Variants in PDE4D observed in about 807,000 individuals in gnomAD.
PDE4D encodes 3',5'-cyclic-AMP phosphodiesterase 4D.
A neutral mutation model predicts 87.4 loss-of-function variants in PDE4D; 24 were observed. That is an observed-to-expected ratio of 0.27 (90% confidence interval 0.20 to 0.39). The LOEUF is 0.39. PDE4D is among the 10% of genes least tolerant of loss of function. The pLI is 1.00. For missense variants in PDE4D, 714 were observed against 1,041.0 expected, an observed-to-expected ratio of 0.69 and a Z score of 4.32; for synonymous variants, 384 against 383.2, an observed-to-expected ratio of 1.00 and a Z score of -0.02.
At chr5:59,017,288 G>T (rs1439293439) in intron 6 of PDE4D, among the ~76,000 whole-genome samples, 1 of 152,130 alleles carries the variant, frequency 6.6e-6, no homozygotes, top group African/African-American at 2.4e-5. Flanking sequence ...AAGTGCTTGA[G>T]GCAAAACTGA....
intron 1 of PDE4D, among the ~76,000 whole-genome samples, chr5:59,765,475 C>T (rs1762672339): frequency 6.6e-6 from 1 of 152,198 alleles, no homozygotes; most frequent in Non-Finnish European, 1.5e-5. Context: ...CAGCACTTTA[C>T]CTTATGCCTT....
At chr5:59,375,488 G>A (rs1784556181) in intron 1 of PDE4D, among the ~76,000 whole-genome samples, 1 of 152,104 alleles carries the variant, frequency 6.6e-6, no homozygotes, top group Non-Finnish European at 1.5e-5. Flanking sequence ...ACTGAATCAG[G>A]AAGAAGCTGA....
chr5:59,438,320 A>G (rs909786132), intron 1 of PDE4D, among the ~76,000 whole-genome samples: 3 of 152,070 alleles, frequency 2.0e-5, no homozygotes, highest in African/African-American at 7.2e-5. Flanking sequence ...TTGTATTTTT[A>G]ATGTTCTCTG....
chr5:59,147,353 A>C (rs1397214809), intron 5 of PDE4D, among the ~76,000 whole-genome samples: 3 of 152,242 alleles, frequency 2.0e-5, no homozygotes, highest in African/African-American at 4.8e-5. Context: ...ATATTTGAAA[A>C]GTAGAAAGGA....
chr5:59,917,154 G>T (rs1754153601), intron 3 of PDE4D, among the ~76,000 whole-genome samples: 1 of 150,804 alleles, frequency 6.6e-6, no homozygotes, highest in Admixed American at 6.6e-5. Context: ...AAAGGAGGAA[G>T]AGAAAAACTA....
intron 1 of PDE4D, among the ~76,000 whole-genome samples, chr5:59,891,081 T>C (rs932161429): frequency 2.4e-4 from 37 of 152,184 alleles, no homozygotes; most frequent in African/African-American, 8.9e-4. Context: ...AGAATGACAA[T>C]GATATATCAG....
intron 2 of PDE4D, among the ~76,000 whole-genome samples, chr5:60,107,379 CA>C (rs1211420488): frequency 2.0e-5 from 3 of 151,966 alleles, no homozygotes; most frequent in African/African-American, 7.3e-5. Context: ...GCTTACCAAC[CA>C]AAAAGAGTCC....
intron 3 of PDE4D, among the ~76,000 whole-genome samples, chr5:59,955,113 A>G (rs943454718): frequency 3.3e-5 from 5 of 152,200 alleles, no homozygotes; most frequent in African/African-American, 9.6e-5. Flanking sequence ...AGTATTTAAT[A>G]AGTAAAAGAA....
At chr5:60,294,164 C>A (rs1583327232) in intron 1 of PDE4D, among the ~76,000 whole-genome samples, 2 of 152,232 alleles carry the variant, frequency 1.3e-5, no homozygotes, top group Admixed American at 1.3e-4. Flanking sequence ...GTTGTAAATG[C>A]ATTTAGCTGA....
chr5:59,053,645 G>GTTTTTTGTTTTTTTTTT (rs1561396071), intron 5 of PDE4D, among the ~76,000 whole-genome samples: 5 of 68,792 alleles, frequency 7.3e-5, no homozygotes, highest in African/African-American at 2.1e-4. Context: ...TTTGTTTTTT[G>GTTTTTTGTTTTTTTTTT]TTTTTTTTTG....
chr5:59,649,790 G>T (rs1743064851), intron 1 of PDE4D, among the ~76,000 whole-genome samples: 1 of 150,022 alleles, frequency 6.7e-6, no homozygotes, highest in African/African-American at 2.5e-5. Flanking sequence ...AATGTTTGTT[G>T]CATGAATGAA....
intron 1 of PDE4D, among the ~76,000 whole-genome samples, chr5:60,257,213 A>T (rs138995974): frequency 1.2e-5 from 1 of 82,074 alleles, no homozygotes; most frequent in South Asian, 4.4e-4. Flanking sequence ...AATGAATGAA[A>T]GAAAGAAAGA....
At chr5:59,072,802 A>C (rs148870441) in intron 5 of PDE4D, among the ~76,000 whole-genome samples, 2,197 of 152,260 alleles carry the variant, frequency 0.014, 65 homozygotes, top group African/African-American at 0.05. Context: ...TAATGATTTA[A>C]CATTGAAACA....
chr5:59,557,433 C>A (rs1010587911), intron 1 of PDE4D, among the ~76,000 whole-genome samples: 1 of 151,836 alleles, frequency 6.6e-6, no homozygotes, highest in African/African-American at 2.4e-5. Flanking sequence ...CTTTATATGC[C>A]ACCCCTGCCG....
chr5:60,103,240 C>G (rs1776433026), intron 2 of PDE4D, among the ~76,000 whole-genome samples: 1 of 152,160 alleles, frequency 6.6e-6, no homozygotes, highest in Admixed American at 6.5e-5. Context: ...GTTATTTTTC[C>G]TGCTTGGGAT....
intron 1 of PDE4D, among the ~76,000 whole-genome samples, chr5:59,771,425 GAAAAAGAA>G (rs1275214382): frequency 4.4e-4 from 46 of 104,416 alleles, no homozygotes; most frequent in African/African-American, 1.5e-3. Flanking sequence ...AGGAAAGAAA[GAAAAAGAA>G]AAAGAAAGAA....
intron 1 of PDE4D, among the ~76,000 whole-genome samples, chr5:59,769,683 T>C (rs1186519151): frequency 2.6e-5 from 4 of 152,220 alleles, no homozygotes; most frequent in African/African-American, 4.8e-5. Context: ...TTAAACAGCA[T>C]TGGAAAGAAA....
intron 1 of PDE4D, among the ~76,000 whole-genome samples, chr5:60,323,220 A>T (rs2149845738): frequency 6.6e-6 from 1 of 152,172 alleles, no homozygotes; most frequent in East Asian, 1.9e-4. Context: ...TCTAGGCTCC[A>T]GACACAGACT....
At chr5:59,885,620 C>T (rs964650956) in intron 1 of PDE4D, among the ~76,000 whole-genome samples, 3 of 152,116 alleles carry the variant, frequency 2.0e-5, no homozygotes, top group African/African-American at 7.2e-5. Context: ...TGTAATGAAT[C>T]TTGTAGAGCC....
Sources: gnomAD v4.1 joint callset for allele counts (sites outside exome capture counted in the v4.1 genomes callset) on GRCh38, gnomAD v4.1.1 for gene constraint, MANE v1.5 for transcripts, NCBI Gene and HGNC (gene_info 2026-07-23, HGNC 2026-07-21) for gene names.